SYNPR: variants seen among roughly 807,000 people sequenced by gnomAD.
SYNPR encodes the protein synaptoporin.
In SYNPR, 23 loss-of-function variants were observed where a neutral mutation model predicts 32.9. That is an observed-to-expected ratio of 0.70 (90% confidence interval 0.50 to 0.99). SYNPR has a LOEUF of 0.99. Ranked by LOEUF, SYNPR falls within the 50% of genes least tolerant of loss-of-function variation. The pLI is 0.00. For synonymous variants in SYNPR, 146 were observed against 135.9 expected (o/e 1.07, Z -0.52); for missense variants, 318 against 349.3 (o/e 0.91, Z 0.71).
the SYNPR span, among the ~76,000 whole-genome samples, chr3:63,209,576 G>A: frequency 9.7e-4 from 148 of 152,228 alleles, 1 homozygote; most frequent in East Asian, 0.025. Flanking sequence ...GGGTTTAGCC[G>A]TATTGCCTTT....
chr3:63,585,384 G>A (rs139955589), intron 4 of SYNPR, among the ~76,000 whole-genome samples: 226 of 151,822 alleles, frequency 1.5e-3, no homozygotes, highest in African/African-American at 5.3e-3. Flanking sequence ...TCAGATTTAC[G>A]AAAAGCATGC....
At chr3:63,550,329 A>G (rs55835919) in intron 3 of SYNPR, among the ~76,000 whole-genome samples, 2,305 of 151,844 alleles carry the variant, frequency 0.015, 33 homozygotes, top group Non-Finnish European at 0.023. Context: ...CAACAGTTAC[A>G]TATACGTGTG....
intron 2 of SYNPR, among the ~76,000 whole-genome samples, chr3:63,432,638 G>A (rs1700013433): frequency 6.6e-6 from 1 of 152,166 alleles, no homozygotes. Flanking sequence ...CATGCTCCCT[G>A]AAAGAGGCAG....
intron 2 of SYNPR, among the ~76,000 whole-genome samples, chr3:63,333,583 A>AT (rs1019493839): frequency 2.6e-5 from 4 of 151,810 alleles, no homozygotes; most frequent in African/African-American, 9.7e-5. Context: ...CGCTCAGCTT[A>AT]TTTTTTATTT....
chr3:63,241,398 C>G (rs2086241526), intron 1 of SYNPR, among the ~76,000 whole-genome samples: 1 of 152,098 alleles, frequency 6.6e-6, no homozygotes, highest in Admixed American at 6.5e-5. Flanking sequence ...GAAGCCTGGA[C>G]TTCTTACCAA....
intron 3 of SYNPR, among the ~76,000 whole-genome samples, chr3:63,493,790 T>G (rs974442896): frequency 1.7e-5 from 2 of 119,466 alleles, no homozygotes; most frequent in Non-Finnish European, 3.2e-5. Flanking sequence ...CACTCCAGCC[T>G]GGGTAACAGT....
At chr3:63,383,255 A>C (rs934892483) in intron 2 of SYNPR, among the ~76,000 whole-genome samples, 3 of 152,242 alleles carry the variant, frequency 2.0e-5, no homozygotes, top group Non-Finnish European at 4.4e-5. Context: ...AATAAAATGA[A>C]GTAGTAGCAC....
chr3:63,392,895 C>T (rs575208363), intron 2 of SYNPR, among the ~76,000 whole-genome samples: 53 of 152,298 alleles, frequency 3.5e-4, no homozygotes, highest in Non-Finnish European at 6.9e-4. Context: ...TGCCCTGATT[C>T]CCACCTGCCT....
At chr3:63,349,670 C>T (rs1167679469) in intron 2 of SYNPR, among the ~76,000 whole-genome samples, 1 of 152,138 alleles carries the variant, frequency 6.6e-6, no homozygotes, top group Non-Finnish European at 1.5e-5. Context: ...CATCCTGACA[C>T]TTTACTGAAT....
chr3:63,366,616 C>G (rs983066660), intron 2 of SYNPR, among the ~76,000 whole-genome samples: 3 of 152,152 alleles, frequency 2.0e-5, no homozygotes, highest in Non-Finnish European at 2.9e-5. Flanking sequence ...TGACAGGTCA[C>G]CAATCCAGCT....
At chr3:63,239,576 G>A (rs1194220489) in intron 1 of SYNPR, among the ~76,000 whole-genome samples, 2 of 150,098 alleles carry the variant, frequency 1.3e-5, no homozygotes, top group African/African-American at 2.5e-5. Flanking sequence ...GTTGTCAGGT[G>A]TGTCATGTGC....
rs550511200 is a variant in SYNPR at position 63,476,784 on chromosome 3, C to G, written c.85-4048C>G. 3.3e-5 allele frequency among the ~76,000 whole-genome samples: 5 copies of G among 152,292 alleles called. No homozygotes were observed. The East Asian group carries it at 5.8e-4, about 18-fold the overall frequency. ...ACCTCCTGTCCAGAATAACTCCCCT[C>G]AAAACGTGAAACACAATTTGAGATT... On this transcript the variant is annotated intron_variant, in intron 2 of 5. Transcript: ENST00000478300.
chr3:63,537,780 C>A (rs998283807), intron 3 of SYNPR, among the ~76,000 whole-genome samples: 1 of 152,040 alleles, frequency 6.6e-6, no homozygotes, highest in Non-Finnish European at 1.5e-5. Context: ...ATAAATATTT[C>A]CCTTCTAAAT....
chr3:63,556,804 G>C (rs1702603101), intron 4 of SYNPR, 63 bp downstream of exon 4: 1 of 1,480,212 alleles, frequency 6.8e-7, no homozygotes, highest in Non-Finnish European at 9.1e-7. Context: ...ACTAATGCTT[G>C]AAGGACTTTG....
chr3:63,473,563 T>C (rs1700844447), intron 2 of SYNPR, among the ~76,000 whole-genome samples: 1 of 152,176 alleles, frequency 6.6e-6, no homozygotes, highest in Non-Finnish European at 1.5e-5. Context: ...GATTAAATAA[T>C]ACCAAACACA....
intron 4 of SYNPR, among the ~76,000 whole-genome samples, chr3:63,563,787 C>T (rs1444384065): frequency 9.2e-5 from 14 of 152,048 alleles, no homozygotes; most frequent in Non-Finnish European, 1.5e-5. Context: ...GGTATGTAGA[C>T]AGGCTTTGGT....
chr3:63,291,306 C>A (rs2086736427), intron 2 of SYNPR, among the ~76,000 whole-genome samples: 2 of 152,168 alleles, frequency 1.3e-5, no homozygotes, highest in East Asian at 3.9e-4. Flanking sequence ...ATTTCTTGAA[C>A]TATAAAATGG....
At chr3:63,541,664 G>A (rs1702306347) in intron 3 of SYNPR, among the ~76,000 whole-genome samples, 1 of 151,972 alleles carries the variant, frequency 6.6e-6, no homozygotes, top group African/African-American at 2.4e-5. Context: ...CACTCACTTA[G>A]TCTTCTTTAG....
intron 2 of SYNPR, chr3:63,330,159 T>G (rs755336186): frequency 6.6e-6 from 1 of 152,140 alleles, no homozygotes; most frequent in Admixed American, 6.6e-5. Flanking sequence ...CTCCAGCAAA[T>G]GTACCCTATG....
Sources: gnomAD v4.1 joint callset for allele counts (sites outside exome capture counted in the v4.1 genomes callset) on GRCh38, gnomAD v4.1.1 for gene constraint, MANE v1.5 for transcripts, NCBI Gene and HGNC (gene_info 2026-07-23, HGNC 2026-07-21) for gene names.